HTR1D: variants seen among roughly 807,000 people sequenced by gnomAD.
The protein encoded by HTR1D is 5-hydroxytryptamine receptor 1D, also known as 5-HT-1D.
Under a neutral mutation model 21.1 loss-of-function variants are expected in HTR1D, and 18 were observed. The observed-to-expected ratio is 0.85, with a 90% confidence interval of 0.59 to 1.27. The LOEUF is 1.27. Ranked by LOEUF, HTR1D falls within the 50% of genes most tolerant of loss-of-function variation. The probability of loss-of-function intolerance (pLI) is 0.00; values close to 1 mark genes in which losing one functional copy is unlikely to be tolerated. For synonymous variants in HTR1D, 196 were observed against 204.4 expected, an observed-to-expected ratio of 0.96 and a Z score of 0.35; for missense variants, 456 against 481.4, an observed-to-expected ratio of 0.95 and a Z score of 0.49.
chr1:23,215,497 C>T (rs564237892), intron 1 of HTR1D, among the ~76,000 whole-genome samples: 1 of 152,212 alleles, frequency 6.6e-6, no homozygotes, highest in Non-Finnish European at 1.5e-5. Context: ...GACCCCTGCC[C>T]CTCTGTGGGC....
rs551518923 is a variant in HTR1D at position 23,212,812 on chromosome 1, C to T, written c.-783+4479G>A. 4.2e-4 allele frequency among the ~76,000 whole-genome samples: 62 copies of T among 146,472 alleles called. No individual in the cohort carries two copies. The South Asian group carries it at 5.1e-3, about 12-fold the overall frequency. On this transcript the variant is annotated intron_variant, in intron 1 of 1. Transcript: ENST00000374619. ...TCAAGCCACCTCACTCACAGCAAGCCCTCCTGAGTGCCTCTTTTTTTTTTT... is the reference window on the plus strand; with the variant it reads ...TCAAGCCACCTCACTCACAGCAAGCTCTCCTGAGTGCCTCTTTTTTTTTTT...
At chr1:23,202,885 G>A (rs1425397792) in intron 1 of HTR1D, among the ~76,000 whole-genome samples, 1 of 152,082 alleles carries the variant, frequency 6.6e-6, no homozygotes, top group Non-Finnish European at 1.5e-5. Flanking sequence ...GGATTGGATA[G>A]AATACATGTG....
chr1:23,193,742 C>A lies in HTR1D; in HGVS notation c.478G>T (p.Ala160Ser), dbSNP rs202033009. 4 of 1,614,070 alleles carry A rather than the reference C, an allele frequency of 2.5e-6. No individual in the cohort carries two copies. Among genetic ancestry groups the A allele is most frequent in the Non-Finnish European group, 1.7e-6 (2 of 1,179,996 alleles). The change falls in exon 2 of 2, where the codon GCC becomes TCC. Residue 160 changes from alanine to serine, a missense_variant. Physicochemically the swap from Ala to Ser is moderately conservative, Grantham distance 99. Coordinates refer to ENST00000374619, the MANE Select transcript of HTR1D (RefSeq NM_000864.5). ...CAGATGGAGATGGCCCAGACAATGGCGATCATGGTGGCCGCGTGGCCAGCC... is the reference window on the plus strand; with the variant it reads ...CAGATGGAGATGGCCCAGACAATGGAGATCATGGTGGCCGCGTGGCCAGCC... ...RTAGHAATMI[A>S]IVWAISICIS...
chr1:23,203,590 G>C (rs1417922018), intron 1 of HTR1D, among the ~76,000 whole-genome samples: 6 of 152,178 alleles, frequency 3.9e-5, no homozygotes, highest in African/African-American at 1.4e-4. Flanking sequence ...CCAAGAGTTT[G>C]AGGTTACAGT....
At chr1:23,209,230 C>T (rs1644743879) in intron 1 of HTR1D, among the ~76,000 whole-genome samples, 1 of 152,140 alleles carries the variant, frequency 6.6e-6, no homozygotes, top group African/African-American at 2.4e-5. Context: ...AAATCCTGAC[C>T]TCAGGTGATC....
chr1:23,212,375 G>A (rs1022719570), intron 1 of HTR1D, among the ~76,000 whole-genome samples: 7 of 152,160 alleles, frequency 4.6e-5, no homozygotes, highest in Non-Finnish European at 2.9e-5. Context: ...CCCTGTGTGT[G>A]GGTGCCCATC....
intron 1 of HTR1D, among the ~76,000 whole-genome samples, chr1:23,202,631 G>A (rs1291788369): frequency 1.3e-5 from 2 of 152,198 alleles, no homozygotes; most frequent in African/African-American, 2.4e-5. Flanking sequence ...ATTTGTTGCA[G>A]TAGAATACAT....
At chr1:23,215,751 G>C (rs1236936126) in intron 1 of HTR1D, among the ~76,000 whole-genome samples, 1 of 152,256 alleles carries the variant, frequency 6.6e-6, no homozygotes, top group Admixed American at 6.5e-5. Flanking sequence ...CTGGAAGGCG[G>C]TGAGCCAGCA....
intron 1 of HTR1D, among the ~76,000 whole-genome samples, chr1:23,211,181 G>A (rs74062900): frequency 6.6e-6 from 1 of 152,248 alleles, no homozygotes; most frequent in African/African-American, 2.4e-5. Context: ...TGTGACCTTA[G>A]GCAAGTTACT....
At chr1:23,204,384 C>T (rs1309703802) in intron 1 of HTR1D, among the ~76,000 whole-genome samples, 1 of 152,210 alleles carries the variant, frequency 6.6e-6, no homozygotes. Context: ...CTCGGCCTCC[C>T]AAAGTGCTGG....
intron 1 of HTR1D, among the ~76,000 whole-genome samples, chr1:23,200,088 C>T (rs751182636): frequency 5.3e-5 from 8 of 152,112 alleles, no homozygotes; most frequent in Non-Finnish European, 7.3e-5. Flanking sequence ...TACATTAATA[C>T]CTATTGATAA....
chr1:23,211,609 TTATGTATGTATGTATGTATG>T (rs58459077), intron 1 of HTR1D, among the ~76,000 whole-genome samples: 191 of 146,742 alleles, frequency 1.3e-3, no homozygotes, highest in Non-Finnish European at 2.1e-3. Context: ...CAAATCCTTT[TTATGTATGTATGTATGTATG>T]TATGTATGTA....
In HTR1D at chr1:23,193,472, C is replaced by G; in HGVS notation, c.748G>C (p.Gly250Arg). Reference sequence around the variant, plus strand: ...GAGTTGAGCGAGCAGAGCGAGGACCCGGCAGAGCCTGTGATGAGGTGGGCC... The same window carrying G: ...GAGTTGAGCGAGCAGAGCGAGGACCGGGCAGAGCCTGTGATGAGGTGGGCC... ...TTAHLITGSA[G>R]SSLCSLNSSL... The change falls in exon 2 of 2, where the codon GGG becomes CGG. Residue 250 changes from glycine (G) to arginine (R), a missense_variant. Gly to Arg is a moderately radical substitution (Grantham distance 125, BLOSUM62 -2). Coordinates refer to ENST00000374619, the MANE Select transcript of HTR1D (RefSeq NM_000864.5). The G allele has an allele frequency of 6.2e-7, 1 of 1,614,094 alleles. No homozygotes were observed. Among genetic ancestry groups the G allele is most frequent in the South Asian group, 1.1e-5 (1 of 91,076 alleles).
intron 1 of HTR1D, among the ~76,000 whole-genome samples, chr1:23,202,256 C>T (rs1345438502): frequency 6.6e-6 from 1 of 152,012 alleles, no homozygotes; most frequent in East Asian, 1.9e-4. Flanking sequence ...ACCACCACAA[C>T]CGACTAATTT....
chr1:23,199,722 G>A lies in HTR1D; in HGVS notation c.-782-4721C>T, dbSNP rs1408272572. Among the ~76,000 whole-genome samples the A allele has an allele frequency of 4.0e-5, 6 of 151,780 alleles. No individual in the cohort carries two copies. The East Asian group carries it at 9.7e-4, about 25-fold the overall frequency. Reference sequence around the variant, plus strand: ...TCTTTCTTTCTTTCTTTTTCTTGGCGGGGAAGGAGTCTTCCTCTGTCACCC... The same window carrying A: ...TCTTTCTTTCTTTCTTTTTCTTGGCAGGGAAGGAGTCTTCCTCTGTCACCC... On this transcript the variant is annotated intron_variant, in intron 1 of 1. Coordinates refer to ENST00000374619, the MANE Select transcript of HTR1D (RefSeq NM_000864.5).
In HTR1D at chr1:23,194,900, C is replaced by T. The variant is rs141946275; in HGVS notation, c.-681G>A. Among the ~76,000 whole-genome samples, 215 of 152,192 alleles carry T rather than the reference C, an allele frequency of 1.4e-3. 1 individual carries two copies. The highest frequency in any genetic ancestry group is 4.7e-3 in the African/African-American group (196 of 41,510). On this transcript the variant is annotated 5_prime_UTR_variant, in exon 2 of 2. Coordinates refer to ENST00000374619, the MANE Select transcript of HTR1D (RefSeq NM_000864.5). ...CTGATCGTTTTAGAGCCTGAACAGACAAAACATCCTGGTTACCAAGACTCG... is the reference window on the plus strand; with the variant it reads ...CTGATCGTTTTAGAGCCTGAACAGATAAAACATCCTGGTTACCAAGACTCG...
intron 1 of HTR1D, among the ~76,000 whole-genome samples, chr1:23,204,253 G>T (rs1374973553): frequency 1.3e-5 from 2 of 152,060 alleles, no homozygotes; most frequent in Non-Finnish European, 2.9e-5. Context: ...AGCCTCCCGA[G>T]TAGCTGGGAC....
At position 23,193,252 on chromosome 1, in the gene HTR1D, A is replaced by T; in HGVS notation, c.968T>A (p.Val323Asp). The T allele has an allele frequency of 6.2e-7, 1 of 1,614,108 alleles. No homozygotes were observed. Among genetic ancestry groups the T allele is most frequent in the South Asian group, 1.1e-5 (1 of 91,080 alleles). The stretch of plus-strand genomic sequence containing the variant: ...GCAGGAGTCCCGGCAGATGGGGAGG[A>T]CCAGAGACACCACGAAGAAGGGCAG... ...CWLPFFVVSL[V>D]LPICRDSCWI... is the part of the protein sequence containing the mutation. The change falls in exon 2 of 2, where the codon GTC becomes GAC. Residue 323 changes from valine to aspartate, a missense_variant. Physicochemically the swap from Val to Asp is radical, Grantham distance 152 (BLOSUM62 -3). Coordinates refer to ENST00000374619, the MANE Select transcript of HTR1D (RefSeq NM_000864.5).
At chr1:23,206,594 T>A (rs1386599882) in intron 1 of HTR1D, among the ~76,000 whole-genome samples, 1 of 152,178 alleles carries the variant, frequency 6.6e-6, no homozygotes, top group Non-Finnish European at 1.5e-5. Context: ...GCTGATCCTT[T>A]GTCCCTGCTG....
Sources: allele counts gnomAD v4.1 joint callset (sites outside exome capture counted in the v4.1 genomes callset), GRCh38; gene constraint gnomAD v4.1.1; transcripts MANE v1.5; gene names NCBI Gene and HGNC (gene_info 2026-07-23, HGNC 2026-07-21).